Variants in SLC38A2 observed in about 807,000 individuals in gnomAD.
SLC38A2 encodes the protein sodium-coupled neutral amino acid symporter 2.
In SLC38A2, 11 loss-of-function variants were observed where a neutral mutation model predicts 61.5. The ratio of observed to expected loss-of-function variants is 0.18; its 90% CI spans 0.11 to 0.30. The LOEUF (loss-of-function observed/expected upper bound fraction) is 0.30. SLC38A2 is among the 10% of genes least tolerant of loss of function. The pLI, the probability that SLC38A2 is intolerant of heterozygous loss-of-function variation, is 1.00. For missense variants in SLC38A2, 522 were observed against 600.4 expected (o/e 0.87, Z 1.36); for synonymous variants, 217 against 212.5 (o/e 1.02, Z -0.18).
rs1176508681 is a variant in SLC38A2 at position 46,364,814 on chromosome 12, G to A, written c.647-112C>T. 11 of 985,920 alleles carry A rather than the reference G, an allele frequency of 1.1e-5. No homozygotes were observed. The South Asian group carries it at 1.4e-4, about 12-fold the overall frequency. 61.1% of individuals were successfully genotyped at this position (985,920 alleles called of 1,614,324 possible). On this transcript the variant is annotated intron_variant, in intron 8 of 15. Coordinates refer to ENST00000256689, the MANE Select transcript of SLC38A2 (RefSeq NM_018976.5). ...TGCTGGGAAGACTTTAGGCACTAAA[G>A]TATGTGTATAGCACTAAATTTCTAA...
chr12:46,369,695 T>C (rs1038607638), intron 4 of SLC38A2, among the ~76,000 whole-genome samples: 9 of 152,240 alleles, frequency 5.9e-5, no homozygotes, highest in African/African-American at 2.2e-4. Flanking sequence ...TGTATTTTTG[T>C]TTTGTGCTTT....
In SLC38A2 at chr12:46,362,614, A is replaced by G. The variant is rs1343901685; in HGVS notation, c.1204T>C (p.Leu402=). Residue 402 remains leucine (L), a synonymous_variant, in exon 14 of 16, where the codon TTG becomes CTG. Coordinates refer to ENST00000256689, the MANE Select transcript of SLC38A2 (RefSeq NM_018976.5). ...FPIRSSVTHL[L]CASKDFSWWR... Reference sequence around the variant, plus strand: ...CAACTGAAATCTTTTGATGCACACAACAAGTGAGTTACAGAACTCCGGATC... The same window carrying G: ...CAACTGAAATCTTTTGATGCACACAGCAAGTGAGTTACAGAACTCCGGATC... 4.4e-6 allele frequency: 7 copies of G among 1,582,110 alleles called. No homozygotes were observed. Among genetic ancestry groups the G allele is most frequent in the African/African-American group, 1.4e-5 (1 of 72,892 alleles).
chr12:46,363,516 T>A (rs1463917166), intron 12 of SLC38A2, among the ~76,000 whole-genome samples: 1 of 152,102 alleles, frequency 6.6e-6, no homozygotes, highest in Admixed American at 6.5e-5. Context: ...TGATTAATGA[T>A]ATTTTCAAAC....
At chr12:46,361,483 T>C (rs573193587) in intron 15 of SLC38A2, among the ~76,000 whole-genome samples, 8 of 152,282 alleles carry the variant, frequency 5.3e-5, no homozygotes, top group African/African-American at 1.4e-4. Context: ...CTGCTTCATA[T>C]AGAACTGGAC....
rs917179699 is a variant in SLC38A2 at position 46,359,561 on chromosome 12, T to C, written c.*1550A>G. ...AGATGACCAATTGACAATTCCATTA[T>C]TTGCTTCCTTCAACCACTTAATGGA... On this transcript the variant is annotated 3_prime_UTR_variant, in exon 16 of 16. Coordinates refer to ENST00000256689, the MANE Select transcript of SLC38A2 (RefSeq NM_018976.5). 1.3e-5 allele frequency: 2 copies of C among 152,664 alleles called. No homozygotes were observed. The highest frequency in any genetic ancestry group is 2.4e-5 in the African/African-American group (1 of 41,462). The allele number at this position is 152,664 out of a possible 1,614,324, so 9.5% of individuals were successfully genotyped here.
chr12:46,371,457 G>A (rs1358147977), intron 1 of SLC38A2, 78 bp from the exon 2 acceptor site: 2 of 608,870 alleles, frequency 3.3e-6, no homozygotes, highest in Non-Finnish European at 5.8e-6. Context: ...GAGGCGCAGC[G>A]CGGCTGATTC....
intron 7 of SLC38A2, 74 bp from the exon 8 acceptor site, chr12:46,365,263 T>A: frequency 8.3e-7 from 1 of 1,200,900 alleles, no homozygotes; most frequent in South Asian, 1.2e-5. Context: ...CTAACAGGAC[T>A]CATTTCATAG....
chr12:46,371,383 C>A lies in SLC38A2; in HGVS notation c.-86-4G>T. The A allele has an allele frequency of 1.9e-6, 2 of 1,051,684 alleles. No homozygotes were observed. The highest frequency in any genetic ancestry group is 2.4e-5 in the East Asian group (1 of 41,464). 65.1% of individuals were successfully genotyped at this position (1,051,684 alleles called of 1,614,324 possible). ...GTGCAGCGGCCCGCGAGTCGGCCTGCGAAAGTAGAGGCGGCGCGTCAGGAC... is the reference window on the plus strand; with the variant it reads ...GTGCAGCGGCCCGCGAGTCGGCCTGAGAAAGTAGAGGCGGCGCGTCAGGAC... On this transcript the variant is annotated splice_polypyrimidine_tract_variant and splice_region_variant and intron_variant, in intron 1 of 15. Transcript: ENST00000256689.
rs542920567 is a variant in SLC38A2, at chr12:46,359,745, T to C, written c.*1366A>G. On this transcript the variant is annotated 3_prime_UTR_variant, in exon 16 of 16. Transcript: ENST00000256689. Reference sequence around the variant, plus strand: ...TCTAACTGGGATTGAAATGGAAGGGTTGACATGCAGTTGGACCAAAATGAC... The same window carrying C: ...TCTAACTGGGATTGAAATGGAAGGGCTGACATGCAGTTGGACCAAAATGAC... The C allele has an allele frequency of 6.5e-6, 1 of 152,724 alleles. No individual in the cohort carries two copies. The highest frequency in any genetic ancestry group is 6.5e-5 in the Admixed American group (1 of 15,294). 9.5% of individuals were successfully genotyped at this position (152,724 alleles called of 1,614,324 possible).
rs891658123 is a variant in SLC38A2 at position 46,359,790 on chromosome 12, C to T, written c.*1321G>A. On this transcript the variant is annotated 3_prime_UTR_variant, in exon 16 of 16. Transcript: ENST00000256689. Reference sequence around the variant, plus strand: ...AATGACTACTAACACTCAGTTTGCACTGTTTTCCCTAGCTAACCATTTGTT... The same window carrying T: ...AATGACTACTAACACTCAGTTTGCATTGTTTTCCCTAGCTAACCATTTGTT... 1 of 152,668 alleles carries T rather than the reference C, an allele frequency of 6.6e-6. No individual in the cohort carries two copies. The highest frequency in any genetic ancestry group is 2.4e-5 in the African/African-American group (1 of 41,466). The allele number at this position is 152,668 out of a possible 1,614,324, so 9.5% of individuals were successfully genotyped here.
At chr12:46,365,402 C>T in intron 7 of SLC38A2, 3 of 578,954 alleles carry the variant, frequency 5.2e-6, no homozygotes, top group South Asian at 4.7e-5. Flanking sequence ...GGGTATAAAA[C>T]AGTGTAACTT....
intron 10 of SLC38A2, 71 bp from the exon 11 acceptor site, chr12:46,364,074 A>G: frequency 1.5e-6 from 2 of 1,294,452 alleles, no homozygotes; most frequent in African/African-American, 1.5e-5. Flanking sequence ...CGCAGCATAT[A>G]TTTTATGTAA....
chr12:46,362,243 T>G, intron 15 of SLC38A2, 41 bp downstream of exon 15: 99 of 1,433,056 alleles, frequency 6.9e-5, no homozygotes, highest in Non-Finnish European at 8.4e-5. Flanking sequence ...GGGAAATTTA[T>G]GATATTATTA....
At position 46,362,590 on chromosome 12, in the gene SLC38A2, A is replaced by C. The variant is rs1266297414; in HGVS notation, c.1228T>G (p.Trp410Gly). The change falls in exon 14 of 16, where the codon TGG becomes GGG. Residue 410 changes from tryptophan to glycine, a missense_variant. Coordinates refer to ENST00000256689, the MANE Select transcript of SLC38A2 (RefSeq NM_018976.5). Reference protein sequence around the residue: ...HLLCASKDFSWWRHSLITVSI... With the variant: ...HLLCASKDFSGWRHSLITVSI... Reference sequence around the variant, plus strand: ...ACTGTAATGAGACTATGACGCCACCAACTGAAATCTTTTGATGCACACAAC... The same window carrying C: ...ACTGTAATGAGACTATGACGCCACCCACTGAAATCTTTTGATGCACACAAC... The C allele has an allele frequency of 6.3e-7, 1 of 1,591,766 alleles. No individual in the cohort carries two copies. Among genetic ancestry groups the C allele is most frequent in the Admixed American group, 1.9e-5 (1 of 52,000 alleles).
Position 46,371,288 on chromosome 12 carries a change from C to T in SLC38A2, c.6G>A (p.Lys2=). 1 of 1,614,116 alleles carries T rather than the reference C, an allele frequency of 6.2e-7. No individual in the cohort carries two copies. The highest frequency in any genetic ancestry group is 8.5e-7 in the Non-Finnish European group (1 of 1,179,920). Reference sequence around the variant, plus strand: ...TACTGAATCGTCCCATTTCGGCCTTCTTCATGCTAAGCACTGGGAGGAATC... The same window carrying T: ...TACTGAATCGTCCCATTTCGGCCTTTTTCATGCTAAGCACTGGGAGGAATC... M[K]KAEMGRFSIS... is the part of the protein sequence containing the mutation. Residue 2 remains lysine (K), a synonymous_variant, in exon 2 of 16, where the codon AAG becomes AAA. Coordinates refer to ENST00000256689, the MANE Select transcript of SLC38A2 (RefSeq NM_018976.5).
chr12:46,368,386 G>GA (rs962722199), intron 4 of SLC38A2, among the ~76,000 whole-genome samples: 3 of 151,680 alleles, frequency 2.0e-5, no homozygotes, highest in Non-Finnish European at 4.4e-5. Flanking sequence ...TTGAGCAACA[G>GA]AAAAAAAATA....
rs1943182996 is a variant in SLC38A2, at chr12:46,370,466, A to T, written c.314+46T>A. On this transcript the variant is annotated intron_variant, in intron 4 of 15. Coordinates refer to ENST00000256689, the MANE Select transcript of SLC38A2 (RefSeq NM_018976.5). ...TTCTGGAGCCAAAATATGTTTTACCATAGTAACTGCCCTGCATGGCAGACT... is the reference window on the plus strand; with the variant it reads ...TTCTGGAGCCAAAATATGTTTTACCTTAGTAACTGCCCTGCATGGCAGACT... 3 of 1,394,402 alleles carry T rather than the reference A, an allele frequency of 2.2e-6. No individual in the cohort carries two copies. The African/African-American group carries it at 4.3e-5, about 20-fold the overall frequency. The allele number at this position is 1,394,402 out of a possible 1,614,324, so 86.4% of individuals were successfully genotyped here.
rs1943097491 is a variant in SLC38A2 at position 46,362,809 on chromosome 12, C to CACTTAA, written c.1180-177_1180-172dup. On this transcript the variant is annotated intron_variant, in intron 13 of 15. Coordinates refer to ENST00000256689, the MANE Select transcript of SLC38A2 (RefSeq NM_018976.5). The stretch of plus-strand genomic sequence containing the variant: ...CTCTGCTGTTTCCTGAACATCTGAA[C>CACTTAA]ACTTAAAGATCATTTTATATCTTAT... 4.3e-6 allele frequency: 4 copies of CACTTAA among 924,824 alleles called. No homozygotes were observed. The East Asian group carries it at 1.1e-4, about 25-fold the overall frequency. The allele number at this position is 924,824 out of a possible 1,614,324, so 57.3% of individuals were successfully genotyped here.
chr12:46,369,917 C>A (rs1274575823), intron 4 of SLC38A2, among the ~76,000 whole-genome samples: 2 of 152,020 alleles, frequency 1.3e-5, no homozygotes, highest in East Asian at 3.9e-4. Context: ...TCATTTTTTG[C>A]CACAACATGT....
Sources: gnomAD v4.1 joint callset for allele counts (sites outside exome capture counted in the v4.1 genomes callset) on GRCh38, gnomAD v4.1.1 for gene constraint, MANE v1.5 for transcripts, NCBI Gene and HGNC (gene_info 2026-07-23, HGNC 2026-07-21) for gene names.